ATP6V1E2: variants seen among roughly 807,000 people sequenced by gnomAD.
ATP6V1E2 encodes V-type proton ATPase subunit E 2.
For missense variants in ATP6V1E2, 308 were observed against 273.3 expected (o/e 1.13, Z -0.90); for synonymous variants, 121 against 104.2 (o/e 1.16, Z -0.98).
chr2:46,537,993 T>A (rs1043834206), intron 2 of ATP6V1E2, among the ~76,000 whole-genome samples: 1 of 151,854 alleles, frequency 6.6e-6, no homozygotes, highest in Non-Finnish European at 1.5e-5. Flanking sequence ...AAAAAGTAGA[T>A]GAAATCATAA....
rs919973428 is a variant in ATP6V1E2, at chr2:46,530,548, A to G, written c.-102+5265T>C. 2.0e-5 allele frequency among the ~76,000 whole-genome samples: 3 copies of G among 152,206 alleles called. No homozygotes were observed. The highest frequency in any genetic ancestry group is 2.0e-4 in the Admixed American group (3 of 15,282). ...TATTATATATGATATAATTATCAGTATGGCTGGATTTAAGTCTTTTATCTT... is the reference window on the plus strand; with the variant it reads ...TATTATATATGATATAATTATCAGTGTGGCTGGATTTAAGTCTTTTATCTT... On this transcript the variant is annotated intron_variant, in intron 4 of 4. Transcript: ENST00000522587. This position sits in a 1 kb window ranked among gnomAD's most constrained non-coding sequence, Gnocchi z 5.2.
intron 4 of ATP6V1E2, among the ~76,000 whole-genome samples, chr2:46,515,852 A>G (rs1357057445): frequency 6.6e-6 from 1 of 152,216 alleles, no homozygotes; most frequent in Admixed American, 6.5e-5. Flanking sequence ...TATTCCATGC[A>G]AAAGTAACAA....
rs1472820543 is a variant in ATP6V1E2, at chr2:46,530,997, C to T, written c.-102+4816G>A. Among the ~76,000 whole-genome samples the T allele has an allele frequency of 2.0e-5, 3 of 152,000 alleles. No homozygotes were observed. The highest frequency in any genetic ancestry group is 4.8e-5 in the African/African-American group (2 of 41,376). ...GTGAGGACACAGCCAAACCATATTA[C>T]CTGACTTTTTTTCTCTTGGTTGGTG... On this transcript the variant is annotated intron_variant, in intron 4 of 4. Transcript: ENST00000522587. The surrounding 1 kb of genome is among the most constrained non-coding windows in gnomAD (Gnocchi z 5.2).
intron 4 of ATP6V1E2, among the ~76,000 whole-genome samples, chr2:46,523,165 T>A (rs745678469): frequency 6.6e-6 from 1 of 152,158 alleles, no homozygotes; most frequent in African/African-American, 2.4e-5. Context: ...ATTGAAAAAA[T>A]TTTCTCCCAT....
chr2:46,539,955 C>T (rs1667645868), intron 2 of ATP6V1E2, among the ~76,000 whole-genome samples: 2 of 152,208 alleles, frequency 1.3e-5, no homozygotes, highest in African/African-American at 4.8e-5. Flanking sequence ...TAATAAGTTC[C>T]TTGAATGGTT....
intron 2 of ATP6V1E2, among the ~76,000 whole-genome samples, chr2:46,540,883 T>A (rs995544263): frequency 6.6e-6 from 1 of 152,196 alleles, no homozygotes; most frequent in Non-Finnish European, 1.5e-5. Flanking sequence ...CACCACTGCA[T>A]GATTCATCGG....
intron 4 of ATP6V1E2, among the ~76,000 whole-genome samples, chr2:46,525,807 C>T (rs1462490858): frequency 6.6e-6 from 1 of 152,018 alleles, no homozygotes; most frequent in Non-Finnish European, 1.5e-5. Flanking sequence ...TCTAAAACAT[C>T]TGCAGACAGC....
intron 4 of ATP6V1E2, among the ~76,000 whole-genome samples, chr2:46,526,663 C>A (rs1026954853): frequency 6.6e-6 from 1 of 152,168 alleles, no homozygotes; most frequent in African/African-American, 2.4e-5. Flanking sequence ...TGGCTTATTT[C>A]ACTTAGTATG....
rs1045192574 is a variant in ATP6V1E2, at chr2:46,530,162, A to T, written c.-102+5651T>A. Among the ~76,000 whole-genome samples, 8 of 152,142 alleles carry T rather than the reference A, an allele frequency of 5.3e-5. No homozygotes were observed. Among genetic ancestry groups the T allele is most frequent in the African/African-American group, 1.9e-4 (8 of 41,422 alleles). ...TCTCCAGAATGCAGCTCAGTCTCCTACCACCTACATACAGAGCCCTCTCCT... is the reference window on the plus strand; with the variant it reads ...TCTCCAGAATGCAGCTCAGTCTCCTTCCACCTACATACAGAGCCCTCTCCT... On this transcript the variant is annotated intron_variant, in intron 4 of 4. Coordinates refer to ENST00000522587, the MANE Select transcript of ATP6V1E2 (RefSeq NM_001318063.2). The surrounding 1 kb of genome is among the most constrained non-coding windows in gnomAD (Gnocchi z 5.2).
chr2:46,519,934 C>G (rs1051891825), intron 4 of ATP6V1E2: 3 of 152,224 alleles, frequency 2.0e-5, no homozygotes, highest in African/African-American at 4.8e-5. Context: ...GCAGCCCTGC[C>G]TGGAGTTGGT....
chr2:46,527,351 G>A (rs1337300960), intron 4 of ATP6V1E2, among the ~76,000 whole-genome samples: 3 of 152,032 alleles, frequency 2.0e-5, no homozygotes, highest in African/African-American at 4.8e-5. Flanking sequence ...CCTCTCGAGT[G>A]GCTGGGACTA....
chr2:46,526,044 T>C (rs1666903383), intron 4 of ATP6V1E2, among the ~76,000 whole-genome samples: 1 of 152,168 alleles, frequency 6.6e-6, no homozygotes, highest in African/African-American at 2.4e-5. Context: ...AAGTGAAACC[T>C]TTTTTGTTTT....
Position 46,535,946 on chromosome 2 carries a change from T to C in ATP6V1E2, c.-216-19A>G, listed in dbSNP as rs1667422096. The C allele has an allele frequency of 6.6e-6, 1 of 152,174 alleles. No homozygotes were observed. Among genetic ancestry groups the C allele is most frequent in the South Asian group, 2.1e-4 (1 of 4,830 alleles). 9.4% of individuals were successfully genotyped at this position (152,174 alleles called of 1,614,324 possible). On this transcript the variant is annotated intron_variant, in intron 3 of 4. Coordinates refer to ENST00000522587, the MANE Select transcript of ATP6V1E2 (RefSeq NM_001318063.2). The surrounding 1 kb of genome is among the most constrained non-coding windows in gnomAD (Gnocchi z 4.4). ...CTTGGTTCTGAAACATAAAATAAAA[T>C]CATTAATTTCATTTTTGGAGGAGGG...
At chr2:46,529,743 G>C (rs570099763) in intron 4 of ATP6V1E2, among the ~76,000 whole-genome samples, 164 of 151,726 alleles carry the variant, frequency 1.1e-3, no homozygotes, top group African/African-American at 3.8e-3. Flanking sequence ...GTAACAGAGT[G>C]ACATCTGTCT....
At chr2:46,526,697 G>A (rs909547554) in intron 4 of ATP6V1E2, among the ~76,000 whole-genome samples, 1 of 152,146 alleles carries the variant, frequency 6.6e-6, no homozygotes, top group Admixed American at 6.5e-5. Context: ...TCCCCATGTT[G>A]TAGCACAGGT....
At chr2:46,534,849 TGCCCAGTGA>T (rs1238734435) in intron 4 of ATP6V1E2, 2 of 152,332 alleles carry the variant, frequency 1.3e-5, no homozygotes, top group East Asian at 1.9e-4. Flanking sequence ...ACTCAAACAT[TGCCCAGTGA>T]GCCCTGGGAA....
chr2:46,537,356 C>T lies in ATP6V1E2; in HGVS notation c.-309-653G>A, dbSNP rs376022804. On this transcript the variant is annotated intron_variant, in intron 2 of 4. Coordinates refer to ENST00000522587, the MANE Select transcript of ATP6V1E2 (RefSeq NM_001318063.2). ...TAGCCCAGGCCTAAGGCAACAGTCA[C>T]CTGACAGTTTACTACCCACCATGAC... The T allele has an allele frequency of 8.5e-5, 13 of 152,328 alleles. No homozygotes were observed. In the East Asian group the frequency reaches 1.3e-3, roughly 16 times the overall value. The allele number at this position is 152,328 out of a possible 1,614,324, so 9.4% of individuals were successfully genotyped here. A position where few individuals can be genotyped will look rare whatever the true frequency, so the allele number is the denominator to read the frequency against.
intron 4 of ATP6V1E2, among the ~76,000 whole-genome samples, chr2:46,526,757 C>A (rs1666941637): frequency 6.6e-6 from 1 of 152,058 alleles, no homozygotes; most frequent in Non-Finnish European, 1.5e-5. Flanking sequence ...GTGTATATAC[C>A]ATATTTTGTC....
chr2:46,529,597 A>G (rs1181766021), intron 4 of ATP6V1E2, among the ~76,000 whole-genome samples: 1 of 152,152 alleles, frequency 6.6e-6, no homozygotes, highest in East Asian at 1.9e-4. Flanking sequence ...TCTACAAAAA[A>G]TTTTAAAAAT....
Sources: gnomAD v4.1 joint callset for allele counts (sites outside exome capture counted in the v4.1 genomes callset) on GRCh38, gnomAD v4.1.1 for gene constraint, Gnocchi (gnomAD v3.1) non-coding constraint, MANE v1.5 for transcripts, NCBI Gene and HGNC (gene_info 2026-07-23, HGNC 2026-07-21) for gene names.